Variants in EXOC6B observed in about 807,000 individuals in gnomAD.
EXOC6B encodes the protein SEC15 homolog B.
Under a neutral mutation model 113.5 loss-of-function variants are expected in EXOC6B, and 54 were observed. The observed-to-expected ratio is 0.48, with a 90% CI of 0.38 to 0.60. The LOEUF (loss-of-function observed/expected upper bound fraction) is 0.60. EXOC6B is among the 20% of genes least tolerant of loss of function. EXOC6B has a pLI of 0.00. For missense variants in EXOC6B, 797 were observed against 977.5 expected (o/e 0.82, Z 2.46); for synonymous variants, 357 against 339.0 (o/e 1.05, Z -0.58).
chr2:72,423,744 T>TAA (rs1174622302), intron 18 of EXOC6B, among the ~76,000 whole-genome samples: 8 of 152,062 alleles, frequency 5.3e-5, no homozygotes, highest in African/African-American at 1.9e-4. Flanking sequence ...TGCACATACA[T>TAA]ACACGTGCAC....
chr2:72,723,232 T>C (rs1680115186), intron 5 of EXOC6B, among the ~76,000 whole-genome samples: 1 of 152,174 alleles, frequency 6.6e-6, no homozygotes, highest in South Asian at 2.1e-4. Flanking sequence ...AAGTTTCACT[T>C]GTATGTGTGG....
At chr2:72,638,688 G>A (rs1282782295) in intron 6 of EXOC6B, among the ~76,000 whole-genome samples, 1 of 152,200 alleles carries the variant, frequency 6.6e-6, no homozygotes, top group Non-Finnish European at 1.5e-5. Context: ...ACAGACACTC[G>A]AGTTGGCAGC....
intron 6 of EXOC6B, among the ~76,000 whole-genome samples, chr2:72,655,005 A>C (rs1674481192): frequency 6.6e-6 from 1 of 152,190 alleles, no homozygotes; most frequent in African/African-American, 2.4e-5. Context: ...GCCCATATAG[A>C]ACCAAGTCTA....
chr2:72,557,305 G>A (rs1198044387), intron 8 of EXOC6B, among the ~76,000 whole-genome samples: 1 of 30,686 alleles, frequency 3.3e-5, no homozygotes, highest in Non-Finnish European at 6.9e-5. Flanking sequence ...GGGGGGGGGG[G>A]CCTTTATGAA....
chr2:72,396,242 A>C (rs1246796102), intron 18 of EXOC6B, among the ~76,000 whole-genome samples: 2 of 152,170 alleles, frequency 1.3e-5, no homozygotes, highest in African/African-American at 4.8e-5. Context: ...TGGCCCAAAA[A>C]GGAGCTGTAA....
intron 18 of EXOC6B, among the ~76,000 whole-genome samples, chr2:72,407,676 A>G (rs1478421028): frequency 6.6e-6 from 1 of 152,218 alleles, no homozygotes; most frequent in Non-Finnish European, 1.5e-5. Context: ...CCTTCATGCT[A>G]AAAACTCTCA....
chr2:72,740,890 C>T (rs1412516750), intron 2 of EXOC6B, among the ~76,000 whole-genome samples: 1 of 152,134 alleles, frequency 6.6e-6, no homozygotes. Context: ...ATCACGAGGT[C>T]AGGAGATCGA....
intron 12 of EXOC6B, 42 bp from the exon 13 acceptor site, chr2:72,498,593 A>AT: frequency 2.5e-6 from 3 of 1,183,222 alleles, no homozygotes; most frequent in African/African-American, 1.6e-5. Context: ...CTAAGGAAGG[A>AT]GTTTTTTTTT....
At chr2:72,625,943 G>A (rs1214481388) in intron 6 of EXOC6B, among the ~76,000 whole-genome samples, 4 of 152,074 alleles carry the variant, frequency 2.6e-5, no homozygotes, top group African/African-American at 9.7e-5. Flanking sequence ...AAACTTATAT[G>A]TTCTGGCTAT....
At chr2:72,624,379 G>A (rs772343802) in intron 6 of EXOC6B, among the ~76,000 whole-genome samples, 2 of 152,064 alleles carry the variant, frequency 1.3e-5, no homozygotes, top group Non-Finnish European at 2.9e-5. Context: ...GATTATAAGC[G>A]TGAGCCACTG....
rs138091374 is a variant in EXOC6B at position 72,737,173 on chromosome 2, C to A, written c.280-4055G>T. On this transcript the variant is annotated intron_variant, in intron 2 of 21. Transcript: ENST00000272427. The stretch of plus-strand genomic sequence containing the variant: ...CCAACACGGCAAAACCTCCTCTCTA[C>A]TAAAAATACAAAAATTGGCCAGGCA... 8.0e-4 allele frequency among the ~76,000 whole-genome samples: 121 copies of A among 152,048 alleles called. 1 individual carries two copies. The highest frequency in any genetic ancestry group is 2.3e-3 in the Admixed American group (35 of 15,274).
intron 16 of EXOC6B, among the ~76,000 whole-genome samples, chr2:72,490,313 A>G (rs1217625079): frequency 2.0e-5 from 3 of 152,154 alleles, no homozygotes; most frequent in Non-Finnish European, 2.9e-5. Flanking sequence ...TAGGCTGTCT[A>G]TAAAATGGGA....
chr2:72,733,587 T>C (rs187417697), intron 2 of EXOC6B, among the ~76,000 whole-genome samples: 1 of 152,186 alleles, frequency 6.6e-6, no homozygotes, highest in African/African-American at 2.4e-5. Context: ...TAATTCTTTT[T>C]GGATCATTAA....
chr2:72,287,211 C>T (rs1403303248), intron 20 of EXOC6B, among the ~76,000 whole-genome samples: 1 of 151,764 alleles, frequency 6.6e-6, no homozygotes, highest in African/African-American at 2.4e-5. Context: ...GGGCAGATCA[C>T]GAGGTCAGGA....
intron 6 of EXOC6B, among the ~76,000 whole-genome samples, chr2:72,586,318 C>G (rs780540786): frequency 2.6e-5 from 4 of 152,084 alleles, no homozygotes; most frequent in Non-Finnish European, 4.4e-5. Flanking sequence ...AACCTACATA[C>G]AGAATGGGAG....
chr2:72,434,131 C>T lies in EXOC6B; in HGVS notation c.1980+31029G>A, dbSNP rs549355702. 8.7e-4 allele frequency among the ~76,000 whole-genome samples: 133 copies of T among 152,228 alleles called. 1 individual carries two copies. Among genetic ancestry groups the T allele is most frequent in the Non-Finnish European group, 6.9e-4 (47 of 68,004 alleles). On this transcript the variant is annotated intron_variant, in intron 18 of 21. Coordinates refer to ENST00000272427, the MANE Select transcript of EXOC6B (RefSeq NM_015189.3). ...AGCATGAAGGGGTGCTGAATTTTAT[C>T]GAAGGCCTTTTCTGCATCCATTGAG...
intron 20 of EXOC6B, among the ~76,000 whole-genome samples, chr2:72,285,022 A>G (rs1414734001): frequency 6.6e-6 from 1 of 152,160 alleles, no homozygotes; most frequent in Admixed American, 6.5e-5. Flanking sequence ...TAGGAAGACA[A>G]TATTGTCAAG....
At chr2:72,472,150 A>T (rs1250954725) in intron 17 of EXOC6B, among the ~76,000 whole-genome samples, 1 of 152,148 alleles carries the variant, frequency 6.6e-6, no homozygotes, top group Non-Finnish European at 1.5e-5. Flanking sequence ...ATCTATTTTC[A>T]TCAAGAATAT....
At chr2:72,522,163 C>T (rs1244610432) in intron 8 of EXOC6B, among the ~76,000 whole-genome samples, 1 of 152,084 alleles carries the variant, frequency 6.6e-6, no homozygotes, top group East Asian at 1.9e-4. Flanking sequence ...CCTATATTTC[C>T]TTAGTGGCCA....
Sources: allele counts gnomAD v4.1 joint callset (sites outside exome capture counted in the v4.1 genomes callset), GRCh38; gene constraint gnomAD v4.1.1; transcripts MANE v1.5; gene names NCBI Gene and HGNC (gene_info 2026-07-23, HGNC 2026-07-21).